The following CHN2 variants were observed in gnomAD, a reference collection of about 807,000 sequenced individuals.
The protein encoded by CHN2 is chimerin 2, also known as beta-chimaerin.
In CHN2, 35 loss-of-function variants were observed where a neutral mutation model predicts 56.3. The observed-to-expected ratio is 0.62, with a 90% CI of 0.47 to 0.82. The LOEUF is 0.82. Among genes scored for constraint, CHN2 ranks in the 40% least tolerant of loss-of-function variants. The pLI is 0.00. For synonymous variants in CHN2, 210 were observed against 212.8 expected (o/e 0.99, Z 0.12); for missense variants, 491 against 580.5 (o/e 0.85, Z 1.58).
intron 7 of CHN2, among the ~76,000 whole-genome samples, chr7:29,483,108 A>C (rs1787518912): frequency 1.3e-5 from 2 of 152,068 alleles, no homozygotes; most frequent in African/African-American, 2.4e-5. Context: ...GGCGTGAGCC[A>C]CCGCGCCCGG....
intron 6 of CHN2, among the ~76,000 whole-genome samples, chr7:29,455,620 T>C (rs550804337): frequency 1.1e-4 from 16 of 152,326 alleles, no homozygotes; most frequent in African/African-American, 3.6e-4. Context: ...ACAAGTATTA[T>C]TTTTAAAAGG....
intron 1 of CHN2, among the ~76,000 whole-genome samples, chr7:29,303,561 G>A (rs3812338): frequency 0.25 from 37,512 of 152,028 alleles, 5,322 homozygotes; most frequent in Non-Finnish European, 0.32. Flanking sequence ...GGAGTTTAGG[G>A]CCCTTCCGTA....
chr7:29,513,837 TTTA>T lies in CHN2; in HGVS notation c.*1106_*1108del, dbSNP rs1274341985. ...AGTAGCTCTGTGTGGATAATATGAT[TTTA>T]TTACTACAGTTCCAGTCACTTGGTT... On this transcript the variant is annotated 3_prime_UTR_variant, in exon 13 of 13. Coordinates refer to ENST00000222792, the MANE Select transcript of CHN2 (RefSeq NM_004067.4). 1 of 152,660 alleles carries T rather than the reference TTTA, an allele frequency of 6.6e-6. No homozygotes were observed. The highest frequency in any genetic ancestry group is 1.5e-5 in the Non-Finnish European group (1 of 68,036). The allele number at this position is 152,660 out of a possible 1,614,324, so 9.5% of individuals were successfully genotyped here.
chr7:29,204,499 C>T (rs1784387063), intron 1 of CHN2, among the ~76,000 whole-genome samples: 2 of 152,162 alleles, frequency 1.3e-5, no homozygotes, highest in Admixed American at 6.5e-5. Flanking sequence ...ACAGTGAGAT[C>T]CAGTAAACCA....
At chr7:29,388,024 G>A (rs1477793624) in intron 3 of CHN2, among the ~76,000 whole-genome samples, 1 of 152,094 alleles carries the variant, frequency 6.6e-6, no homozygotes, top group East Asian at 1.9e-4. Flanking sequence ...TAGATTGTCA[G>A]GTAATTATTT....
At chr7:29,291,413 GTGTCTGCCTGACTCCC>G (rs1792616375) in intron 1 of CHN2, among the ~76,000 whole-genome samples, 1 of 152,068 alleles carries the variant, frequency 6.6e-6, no homozygotes, top group South Asian at 2.1e-4. Flanking sequence ...TGCCCTGCTT[GTGTCTGCCTGACTCCC>G]TACTGTAACA....
chr7:29,324,913 C>T (rs1795689848), intron 1 of CHN2, among the ~76,000 whole-genome samples: 1 of 152,192 alleles, frequency 6.6e-6, no homozygotes, highest in Non-Finnish European at 1.5e-5. Context: ...TTCCTATCAA[C>T]TAATGCATGC....
At chr7:29,331,270 C>T (rs994224146) in intron 1 of CHN2, among the ~76,000 whole-genome samples, 18 of 151,526 alleles carry the variant, frequency 1.2e-4, no homozygotes, top group African/African-American at 3.4e-4. Context: ...ACAGAGGTGT[C>T]GGCAGATTGA....
intron 6 of CHN2, among the ~76,000 whole-genome samples, chr7:29,464,331 G>A (rs1585487272): frequency 6.6e-6 from 1 of 152,166 alleles, no homozygotes; most frequent in African/African-American, 2.4e-5. Context: ...ACAGTGACAT[G>A]CCTGTAATCC....
At chr7:29,399,805 A>G (rs1802054152) in intron 5 of CHN2, among the ~76,000 whole-genome samples, 1 of 152,270 alleles carries the variant, frequency 6.6e-6, no homozygotes, top group African/African-American at 2.4e-5. Flanking sequence ...AAAAGCTATT[A>G]TATCATGCGC....
In CHN2 at chr7:29,301,244, T is replaced by C. The variant is rs550721231; in HGVS notation, c.50-53381T>C. 2.0e-5 allele frequency among the ~76,000 whole-genome samples: 3 copies of C among 152,184 alleles called. No individual in the cohort carries two copies. The East Asian group carries it at 5.8e-4, about 29-fold the overall frequency. Reference sequence around the variant, plus strand: ...TCCTTAAATGAGGTAAATTTAATTATTTTATGTTTTTCTAGCAGTTCCTAC... The same window carrying C: ...TCCTTAAATGAGGTAAATTTAATTACTTTATGTTTTTCTAGCAGTTCCTAC... On this transcript the variant is annotated intron_variant, in intron 1 of 12. Transcript: ENST00000222792.
At chr7:29,261,965 C>G (rs55728379) in intron 1 of CHN2, among the ~76,000 whole-genome samples, 44,009 of 152,038 alleles carry the variant, frequency 0.29, 6,865 homozygotes, top group African/African-American at 0.41. Context: ...GTCAGGAGTT[C>G]AAGACCAGCC....
At position 29,487,898 on chromosome 7, in the gene CHN2, G is replaced by C. The variant is rs528560314; in HGVS notation, c.654+7542G>C. On this transcript the variant is annotated intron_variant, in intron 7 of 12. Transcript: ENST00000222792. ...CTGAGAAACCTCACTACTGGCAATG[G>C]GGAGCCACTCGAGGTTTTTGAGCAG... is the stretch of plus-strand genomic sequence containing the variant. Among the ~76,000 whole-genome samples the C allele has an allele frequency of 3.3e-5, 5 of 152,314 alleles. No homozygotes were observed. The South Asian group carries it at 1.0e-3, about 32-fold the overall frequency.
intron 6 of CHN2, among the ~76,000 whole-genome samples, chr7:29,479,083 T>G (rs1392242142): frequency 6.6e-6 from 1 of 152,188 alleles, no homozygotes; most frequent in Non-Finnish European, 1.5e-5. Context: ...TGTCTGGCAT[T>G]AGCTGCATTA....
chr7:29,485,802 C>G (rs1787905374), intron 7 of CHN2, among the ~76,000 whole-genome samples: 1 of 152,076 alleles, frequency 6.6e-6, no homozygotes, highest in African/African-American at 2.4e-5. Flanking sequence ...ATCAGAGTCT[C>G]CTGAGCAGGC....
intron 1 of CHN2, among the ~76,000 whole-genome samples, chr7:29,308,250 C>T (rs750992195): frequency 2.0e-5 from 3 of 152,136 alleles, no homozygotes; most frequent in Admixed American, 6.5e-5. Flanking sequence ...GACTTCCTGC[C>T]GTGGGCCCTT....
At chr7:29,370,142 G>T (rs75700777) in intron 3 of CHN2, among the ~76,000 whole-genome samples, 4,484 of 152,192 alleles carry the variant, frequency 0.029, 230 homozygotes, top group African/African-American at 0.1. Context: ...TTCTCTAGTT[G>T]GTCCTCCAGT....
At chr7:29,228,486 C>T (rs1786406870) in intron 1 of CHN2, among the ~76,000 whole-genome samples, 1 of 152,170 alleles carries the variant, frequency 6.6e-6, no homozygotes, top group South Asian at 2.1e-4. Context: ...AACATGAACT[C>T]CCCTCACAAT....
At chr7:29,407,451 C>T (rs78982482) in intron 6 of CHN2, among the ~76,000 whole-genome samples, 2 of 151,866 alleles carry the variant, frequency 1.3e-5, no homozygotes, top group African/African-American at 4.8e-5. Flanking sequence ...AAAGAAAGAA[C>T]CTGAATTGTT....
Sources: gnomAD v4.1 joint callset for allele counts (sites outside exome capture counted in the v4.1 genomes callset) on GRCh38, gnomAD v4.1.1 for gene constraint, MANE v1.5 for transcripts, NCBI Gene and HGNC (gene_info 2026-07-23, HGNC 2026-07-21) for gene names.